The following GHR variants were observed in gnomAD, a reference collection of about 807,000 sequenced individuals.
GHR encodes the protein GH receptor.
In GHR, 35 loss-of-function variants were observed where a neutral mutation model predicts 67.1. That is an observed-to-expected ratio of 0.52 (90% CI 0.40 to 0.69). The LOEUF (loss-of-function observed/expected upper bound fraction) is 0.69. Among genes scored for constraint, GHR ranks in the 30% least tolerant of loss-of-function variants. GHR has a pLI of 0.00. For missense variants in GHR, 792 were observed against 764.6 expected (o/e 1.04, Z -0.42); for synonymous variants, 272 against 269.1 (o/e 1.01, Z -0.10).
At position 42,695,140 on chromosome 5, in the gene GHR, G is replaced by T. The variant is rs761611460; in HGVS notation, c.439+51G>T. The stretch of plus-strand genomic sequence containing the variant: ...TGACATAGTTTTAGACTAAATAAAT[G>T]GGGAAGCCTGCAAGGTCCAAGTATA... On this transcript the variant is annotated intron_variant, in intron 5 of 9. Coordinates refer to ENST00000230882, the MANE Select transcript of GHR (RefSeq NM_000163.5). The T allele has an allele frequency of 4.3e-5, 54 of 1,256,962 alleles. 1 individual carries two copies. The South Asian group carries it at 6.5e-4, about 15-fold the overall frequency. The allele number at this position is 1,256,962 out of a possible 1,614,324, so 77.9% of individuals were successfully genotyped here.
intron 2 of GHR, among the ~76,000 whole-genome samples, chr5:42,611,573 C>A (rs1752893141): frequency 6.6e-6 from 1 of 152,060 alleles, no homozygotes. Context: ...TTTCTGTCTT[C>A]TTAGAGTTTG....
rs1376355155 is a variant in GHR, at chr5:42,647,033, C to T, written c.136+17930C>T. ...ACCAACAGAGGAGGTAAGTGAATCA[C>T]TTAAAATGATACAATTCCATCCACT... On this transcript the variant is annotated intron_variant, in intron 3 of 9. Transcript: ENST00000230882. Among the ~76,000 whole-genome samples, 4 of 152,164 alleles carry T rather than the reference C, an allele frequency of 2.6e-5. No homozygotes were observed. In the East Asian group the frequency reaches 5.8e-4, roughly 22 times the overall value.
chr5:42,447,727 CTCTCTT>C (rs551832979), intron 1 of GHR, among the ~76,000 whole-genome samples: 2,668 of 135,198 alleles, frequency 0.02, 86 homozygotes, highest in African/African-American at 0.069. Flanking sequence ...CTCCCTCTCT[CTCTCTT>C]TCTTTCTTTC....
At position 42,465,984 on chromosome 5, in the gene GHR, T is replaced by G. The variant is rs111628055; in HGVS notation, c.-12+42029T>G. 3.8e-4 allele frequency: 243 copies of G among 641,574 alleles called. No homozygotes were observed. The African/African-American group carries it at 3.9e-3, about 10-fold the overall frequency. 39.7% of individuals were successfully genotyped at this position (641,574 alleles called of 1,614,324 possible). On this transcript the variant is annotated intron_variant, in intron 1 of 9. Transcript: ENST00000230882. ...CCGTGAAGTTGTTGAGCAGGTCTTC[T>G]TCCAACTTGTCTTATTCCTTCTTCT...
intron 5 of GHR, 99 bp from the exon 6 acceptor site, chr5:42,699,725 T>A: frequency 1.2e-6 from 1 of 819,440 alleles, no homozygotes; most frequent in Non-Finnish European, 2.2e-6. Context: ...GCATGAATGA[T>A]CAAAAATGTA....
At chr5:42,562,534 G>T (rs1386995289) in intron 1 of GHR, among the ~76,000 whole-genome samples, 2 of 151,718 alleles carry the variant, frequency 1.3e-5, no homozygotes, top group Non-Finnish European at 2.9e-5. Context: ...GTAAGAGTAT[G>T]CAAACAGATT....
At chr5:42,687,946 C>T (rs1579611211) in intron 3 of GHR, among the ~76,000 whole-genome samples, 1 of 152,268 alleles carries the variant, frequency 6.6e-6, no homozygotes, top group East Asian at 1.9e-4. Context: ...TGCTTCATAC[C>T]TGTCTGTTGC....
intron 3 of GHR, among the ~76,000 whole-genome samples, chr5:42,639,806 G>A (rs1003867074): frequency 6.6e-6 from 1 of 152,186 alleles, no homozygotes; most frequent in African/African-American, 2.4e-5. Context: ...TGAGGGCAGG[G>A]ACTGAACCTT....
At chr5:42,614,012 G>A (rs1012926714) in intron 2 of GHR, among the ~76,000 whole-genome samples, 1 of 152,026 alleles carries the variant, frequency 6.6e-6, no homozygotes, top group Admixed American at 6.6e-5. Flanking sequence ...TGTAGTAAGC[G>A]GTCTGTAAAC....
chr5:42,638,504 G>T (rs1202555132), intron 3 of GHR, among the ~76,000 whole-genome samples: 1 of 152,126 alleles, frequency 6.6e-6, no homozygotes, highest in Non-Finnish European at 1.5e-5. Flanking sequence ...CAGCCTTTAT[G>T]ATATAGTCTA....
intron 1 of GHR, among the ~76,000 whole-genome samples, chr5:42,509,916 C>G (rs1285172816): frequency 2.6e-5 from 4 of 152,146 alleles, no homozygotes; most frequent in African/African-American, 9.7e-5. Flanking sequence ...GCTCTTGTGG[C>G]TTTAAACAAT....
intron 2 of GHR, among the ~76,000 whole-genome samples, chr5:42,566,498 A>G (rs778201245): frequency 6.6e-6 from 1 of 152,120 alleles, no homozygotes; most frequent in Non-Finnish European, 1.5e-5. Context: ...TTCCTTCCCC[A>G]TCTCTATAAT....
Position 42,718,696 on chromosome 5 carries a change from A to G in GHR, c.1189A>G (p.Thr397Ala). The G allele has an allele frequency of 1.2e-6, 2 of 1,614,178 alleles. No individual in the cohort carries two copies. The highest frequency in any genetic ancestry group is 2.2e-5 in the South Asian group (2 of 91,080). ...TSCCEPDILE[T>A]DFNANDIHEG... ...CTGTTGTGAACCTGACATTCTGGAG[A>G]CTGATTTCAATGCCAATGACATACA... The change falls in exon 10 of 10, where the codon ACT becomes GCT. Residue 397 changes from threonine (T) to alanine (A), a missense_variant. By Grantham distance (58) the Thr-to-Ala change is moderately conservative. Coordinates refer to ENST00000230882, the MANE Select transcript of GHR (RefSeq NM_000163.5).
intron 1 of GHR, among the ~76,000 whole-genome samples, chr5:42,447,534 C>T (rs527845247): frequency 6.6e-6 from 1 of 152,200 alleles, no homozygotes; most frequent in South Asian, 2.1e-4. Flanking sequence ...GGTTGATAGG[C>T]ATTTAGGCTT....
chr5:42,557,710 G>C (rs1749386148), intron 1 of GHR, among the ~76,000 whole-genome samples: 1 of 152,184 alleles, frequency 6.6e-6, no homozygotes, highest in Admixed American at 6.5e-5. Flanking sequence ...ATTAATGATA[G>C]CATCTGTGGT....
intron 2 of GHR, among the ~76,000 whole-genome samples, chr5:42,568,992 T>C (rs1561129459): frequency 1.3e-5 from 2 of 152,210 alleles, no homozygotes; most frequent in East Asian, 3.8e-4. Context: ...GTATATTAAC[T>C]ATCAAAATGG....
Position 42,718,844 on chromosome 5 carries a change from C to G in GHR, c.1337C>G (p.Pro446Arg). 1 of 1,614,000 alleles carries G rather than the reference C, an allele frequency of 6.2e-7. No homozygotes were observed. The highest frequency in any genetic ancestry group is 8.5e-7 in the Non-Finnish European group (1 of 1,179,986). Residue 446 changes from proline to arginine, a missense_variant, in exon 10 of 10, where the codon CCC becomes CGC. Coordinates refer to ENST00000230882, the MANE Select transcript of GHR (RefSeq NM_000163.5). ...YHDACPATQQ[P>R]SVIQAEKNKP... is the part of the protein sequence containing the mutation. ...GATGCTTGCCCTGCTACTCAGCAGC[C>G]CAGTGTTATCCAAGCAGAGAAAAAC...
At chr5:42,433,566 G>T (rs774794412) in intron 1 of GHR, among the ~76,000 whole-genome samples, 3 of 151,756 alleles carry the variant, frequency 2.0e-5, no homozygotes, top group Non-Finnish European at 4.4e-5. Flanking sequence ...GTACATTCAT[G>T]GTGTGATTAT....
intron 1 of GHR, among the ~76,000 whole-genome samples, chr5:42,521,874 T>C (rs577363146): frequency 2.0e-5 from 3 of 152,352 alleles, no homozygotes; most frequent in East Asian, 3.9e-4. Context: ...GTTTTTAGCA[T>C]GTTCACATAT....
Sources: gnomAD v4.1 joint callset for allele counts (sites outside exome capture counted in the v4.1 genomes callset) on GRCh38, gnomAD v4.1.1 for gene constraint, MANE v1.5 for transcripts, NCBI Gene and HGNC (gene_info 2026-07-23, HGNC 2026-07-21) for gene names.